SULT2B1: variants seen among roughly 807,000 people sequenced by gnomAD.
The protein encoded by SULT2B1 is sulfotransferase 2B1.
Under a neutral mutation model 33.2 loss-of-function variants are expected in SULT2B1, and 16 were observed. The ratio of observed to expected loss-of-function variants is 0.48; its 90% confidence interval spans 0.33 to 0.73. The LOEUF (loss-of-function observed/expected upper bound fraction) is 0.73, where lower values mean the gene tolerates loss of function less well. Ranked by LOEUF, SULT2B1 falls within the 30% of genes least tolerant of loss-of-function variation. SULT2B1 has a pLI of 0.02. For missense variants in SULT2B1, 500 were observed against 506.0 expected, an observed-to-expected ratio of 0.99 and a Z score of 0.11; for synonymous variants, 186 against 200.5, an observed-to-expected ratio of 0.93 and a Z score of 0.61.
intron 1 of SULT2B1, among the ~76,000 whole-genome samples, chr19:48,558,389 C>A (rs1238544358): frequency 1.3e-5 from 2 of 152,200 alleles, no homozygotes; most frequent in African/African-American, 2.4e-5. Flanking sequence ...GCGTGCTGGG[C>A]TACGGAGAGT....
intron 2 of SULT2B1, among the ~76,000 whole-genome samples, chr19:48,585,048 C>CAAAAAAAAAAAAA (rs57540837): frequency 4.8e-5 from 3 of 62,246 alleles, no homozygotes; most frequent in African/African-American, 2.1e-4. Context: ...GACTCCTTCT[C>CAAAAAAAAAAAAA]AAAAAAAAAA....
At chr19:48,569,514 GTTTTCTTTC>G in intron 1 of SULT2B1, among the ~76,000 whole-genome samples, 1 of 151,316 alleles carries the variant, frequency 6.6e-6, no homozygotes. Context: ...GAGCCCAGGA[GTTTTCTTTC>G]TTTTTTTTCT....
rs758605975 is a variant in SULT2B1 at position 48,575,883 on chromosome 19, G to C, written c.72-58G>C. On this transcript the variant is annotated intron_variant, in intron 1 of 6. Transcript: ENST00000201586. ...CAGGGTCCGAGTGTCGCCACCCTGAGAACTCCAGCACCCACCTCCCTACTC... is the reference window on the plus strand; with the variant it reads ...CAGGGTCCGAGTGTCGCCACCCTGACAACTCCAGCACCCACCTCCCTACTC... 8.9e-6 allele frequency: 14 copies of C among 1,567,862 alleles called. No individual in the cohort carries two copies. The Admixed American group carries it at 2.5e-4, about 28-fold the overall frequency.
chr19:48,595,668 G>GTTTTTTT (rs144835687), intron 5 of SULT2B1: 1 of 20,070 alleles, frequency 5.0e-5, no homozygotes, highest in African/African-American at 7.2e-5. Context: ...TTTTTTTGTT[G>GTTTTTTT]TTTTTTTTTT....
At chr19:48,555,565 T>TCTCTCTCC (rs1460466753) in intron 1 of SULT2B1, among the ~76,000 whole-genome samples, 1 of 150,174 alleles carries the variant, frequency 6.7e-6, no homozygotes, top group African/African-American at 2.5e-5. Context: ...TCTCTCTCTC[T>TCTCTCTCC]CTCTCTCTCT....
chr19:48,587,101 G>A, intron 2 of SULT2B1, 128 bp from the exon 3 acceptor site: 1 of 649,390 alleles, frequency 1.5e-6, no homozygotes, highest in Non-Finnish European at 2.5e-6. Flanking sequence ...AACAGAGTAA[G>A]ACTCTGTCTT....
chr19:48,597,466 C>A (rs1973734967), intron 6 of SULT2B1, among the ~76,000 whole-genome samples: 1 of 150,268 alleles, frequency 6.7e-6, no homozygotes, highest in Non-Finnish European at 1.5e-5. Flanking sequence ...TCCTCAGCAT[C>A]CTTAAGTAGC....
intron 2 of SULT2B1, among the ~76,000 whole-genome samples, chr19:48,582,428 C>A (rs915040932): frequency 1.3e-5 from 2 of 152,112 alleles, no homozygotes; most frequent in Non-Finnish European, 2.9e-5. Flanking sequence ...CTTGTACATG[C>A]AGTACTTGGC....
intron 1 of SULT2B1, among the ~76,000 whole-genome samples, chr19:48,558,234 AG>A (rs1203221682): frequency 1.5e-4 from 23 of 152,322 alleles, no homozygotes; most frequent in Admixed American, 9.8e-4. Flanking sequence ...GATTTGAACC[AG>A]GGAAGCCTGA....
At chr19:48,554,312 T>C (rs1385478706) in intron 1 of SULT2B1, among the ~76,000 whole-genome samples, 2 of 98,650 alleles carry the variant, frequency 2.0e-5, no homozygotes, top group East Asian at 6.7e-4. Context: ...CCCCCCCAGA[T>C]TCGCACCTCC....
intron 1 of SULT2B1, among the ~76,000 whole-genome samples, chr19:48,573,676 G>A (rs942615930): frequency 3.3e-5 from 5 of 152,200 alleles, no homozygotes; most frequent in Non-Finnish European, 7.4e-5. Flanking sequence ...CGTTCATGGG[G>A]AAGGAGGGAC....
intron 1 of SULT2B1, among the ~76,000 whole-genome samples, chr19:48,565,935 C>T (rs1482484851): frequency 9.8e-5 from 11 of 112,750 alleles, no homozygotes; most frequent in African/African-American, 2.6e-4. Flanking sequence ...TTTTTTTAGA[C>T]GGAGTCTCAC....
intron 4 of SULT2B1, 123 bp from the exon 5 acceptor site, chr19:48,592,599 C>T: frequency 1.3e-6 from 1 of 755,148 alleles, no homozygotes. Context: ...TGGGGGAGGG[C>T]ATCCAGCTCT....
intron 1 of SULT2B1, among the ~76,000 whole-genome samples, chr19:48,569,671 TG>T (rs767684663): frequency 0.018 from 2,451 of 133,362 alleles, no homozygotes; most frequent in African/African-American, 0.063. Context: ...GCCTCAAGAT[TG>T]GTTTTTTGTT....
chr19:48,582,129 C>T (rs1338528890), intron 2 of SULT2B1, among the ~76,000 whole-genome samples: 2 of 150,386 alleles, frequency 1.3e-5, no homozygotes, highest in Non-Finnish European at 3.0e-5. Flanking sequence ...GGTCTCGAAC[C>T]CCTGACCTCA....
At chr19:48,576,700 T>A (rs1242981333) in intron 2 of SULT2B1, among the ~76,000 whole-genome samples, 3 of 145,516 alleles carry the variant, frequency 2.1e-5, no homozygotes, top group African/African-American at 7.8e-5. Context: ...AGTGTGATGG[T>A]ACAATCTCGG....
intron 2 of SULT2B1, among the ~76,000 whole-genome samples, chr19:48,583,597 C>A (rs887628786): frequency 6.6e-6 from 1 of 152,184 alleles, no homozygotes; most frequent in Non-Finnish European, 1.5e-5. Flanking sequence ...GCGGGCGGAT[C>A]ACCTGAGGTC....
chr19:48,579,605 C>CTTTCTTTCTTTTT lies in SULT2B1; in HGVS notation c.214+3525_214+3526insCTTTCTTTTTTTT, dbSNP rs71179013. ...CCTTTTTCTTTTCTTTTCTTTCTTT[C>CTTTCTTTCTTTTT]TTTTTTTTTTTTTTTTTTGAGACGA... On this transcript the variant is annotated intron_variant, in intron 2 of 6. Transcript: ENST00000201586. Among the ~76,000 whole-genome samples the CTTTCTTTCTTTTT allele has an allele frequency of 1.8e-3, 141 of 79,738 alleles. 4 individuals carry two copies. Among genetic ancestry groups the CTTTCTTTCTTTTT allele is most frequent in the East Asian group, 0.013 (31 of 2,368 alleles). 52.3% of individuals were successfully genotyped at this position (79,738 alleles called of 152,430 possible).
intron 2 of SULT2B1, among the ~76,000 whole-genome samples, chr19:48,577,283 C>T (rs922940246): frequency 2.0e-5 from 3 of 147,966 alleles, no homozygotes; most frequent in African/African-American, 7.4e-5. Context: ...TCTTGAACTC[C>T]TGACCTCATG....
Sources: allele counts gnomAD v4.1 joint callset (sites outside exome capture counted in the v4.1 genomes callset), GRCh38; gene constraint gnomAD v4.1.1; transcripts MANE v1.5; gene names NCBI Gene and HGNC (gene_info 2026-07-23, HGNC 2026-07-21).